SPAG17: variants seen among roughly 807,000 people sequenced by gnomAD.
SPAG17 encodes the protein sperm associated antigen 17, also known as sperm-associated antigen 17.
A neutral mutation model predicts 273.6 loss-of-function variants in SPAG17; 169 were observed. That is an observed-to-expected ratio of 0.62 (90% confidence interval 0.55 to 0.70). The LOEUF is 0.70. Among genes scored for constraint, SPAG17 ranks in the 30% least tolerant of loss-of-function variants. The pLI, the probability that SPAG17 is intolerant of heterozygous loss-of-function variation, is 0.00. For missense variants in SPAG17, 2,557 were observed against 2,627.8 expected (o/e 0.97, Z 0.59); for synonymous variants, 825 against 873.2 (o/e 0.94, Z 0.97).
At chr1:118,033,017 T>G (rs761336770) in intron 24 of SPAG17, among the ~76,000 whole-genome samples, 1 of 152,170 alleles carries the variant, frequency 6.6e-6, no homozygotes, top group Non-Finnish European at 1.5e-5. Context: ...TGAATCAGAC[T>G]CATTGAAGAT....
chr1:118,168,369 G>A (rs1489184618), intron 1 of SPAG17, among the ~76,000 whole-genome samples: 2 of 152,102 alleles, frequency 1.3e-5, no homozygotes, highest in Non-Finnish European at 2.9e-5. Flanking sequence ...TTCAATATCT[G>A]TAAGAGAGGT....
chr1:118,068,689 A>T (rs976134286), intron 17 of SPAG17, among the ~76,000 whole-genome samples: 1 of 152,222 alleles, frequency 6.6e-6, no homozygotes, highest in South Asian at 2.1e-4. Context: ...TTCATTAAAA[A>T]TGAGTACCTA....
At chr1:118,105,108 G>A (rs1383121333) in intron 4 of SPAG17, among the ~76,000 whole-genome samples, 2 of 152,168 alleles carry the variant, frequency 1.3e-5, no homozygotes, top group Non-Finnish European at 2.9e-5. Flanking sequence ...TCATAACTAA[G>A]AACAACAGGA....
chr1:117,954,577 T>C (rs201447681), intron 48 of SPAG17: 7 of 1,612,576 alleles, frequency 4.3e-6, no homozygotes, highest in Admixed American at 1.7e-5. Flanking sequence ...AATTTCTTCA[T>C]AGGTTCCACT....
At chr1:117,974,294 G>A (rs1654892690) in intron 43 of SPAG17, among the ~76,000 whole-genome samples, 1 of 152,146 alleles carries the variant, frequency 6.6e-6, no homozygotes, top group African/African-American at 2.4e-5. Flanking sequence ...ATTTTAGAAA[G>A]TGATTTTACA....
chr1:118,172,232 T>A (rs1660448945), intron 1 of SPAG17, among the ~76,000 whole-genome samples: 1 of 152,200 alleles, frequency 6.6e-6, no homozygotes, highest in Non-Finnish European at 1.5e-5. Flanking sequence ...TACAGAAGAA[T>A]TAAAAGCTTT....
In SPAG17 at chr1:118,040,710, C is replaced by T. The variant is rs765174119; in HGVS notation, c.3166+20G>A. ...CATTATTATGTTTCCAATCATTAAC[C>T]AGTTGCTTTCAAAATGTACCTTTTT... On this transcript the variant is annotated intron_variant, in intron 22 of 48. Transcript: ENST00000336338. 1.4e-6 allele frequency: 2 copies of T among 1,450,730 alleles called. No individual in the cohort carries two copies. Among genetic ancestry groups the T allele is most frequent in the Admixed American group, 1.7e-5 (1 of 59,640 alleles). The allele number at this position is 1,450,730 out of a possible 1,614,324, so 89.9% of individuals were successfully genotyped here.
chr1:118,050,188 A>T (rs1650840248), intron 20 of SPAG17, among the ~76,000 whole-genome samples: 1 of 152,190 alleles, frequency 6.6e-6, no homozygotes, highest in Admixed American at 6.5e-5. Context: ...GGGAAGAATC[A>T]TGGGAGAAGT....
chr1:118,099,748 G>T lies in SPAG17; in HGVS notation c.687C>A (p.Asn229Lys). Residue 229 changes from asparagine to lysine, a missense_variant, in exon 6 of 49, where the codon AAC becomes AAA. By Grantham distance (94) the Asn-to-Lys change is moderately conservative. Transcript: ENST00000336338. ...CCATAATTGCTAATAGCTGAGGATT[G>T]TTAAAGCCCACAACTATAATGTAAT... The part of the protein sequence containing the change: ...AQHYIIVVGF[N>K]NPQLLAIMAE... 1 of 1,613,408 alleles carries T rather than the reference G, an allele frequency of 6.2e-7. No individual in the cohort carries two copies. The highest frequency in any genetic ancestry group is 8.5e-7 in the Non-Finnish European group (1 of 1,179,904).
intron 3 of SPAG17, among the ~76,000 whole-genome samples, chr1:118,117,620 A>G (rs1373731420): frequency 6.6e-6 from 1 of 152,194 alleles, no homozygotes; most frequent in Non-Finnish European, 1.5e-5. Flanking sequence ...TGCTCTCATG[A>G]CATACAGACA....
chr1:118,032,216 G>A (rs919786417), intron 24 of SPAG17, among the ~76,000 whole-genome samples: 16 of 152,000 alleles, frequency 1.1e-4, no homozygotes, highest in Non-Finnish European at 2.1e-4. Context: ...AAAATGTTTA[G>A]AGCAGCAGAA....
rs529347041 is a variant in SPAG17 at position 118,077,538 on chromosome 1, GAA to G, written c.2210-2940_2210-2939del. ...AGGAAAACTATCCAGCTGCTTTAAA[GAA>G]AAAAAAATGAAACAAAACAAAGAAA... On this transcript the variant is annotated intron_variant, in intron 15 of 48. Transcript: ENST00000336338. Among the ~76,000 whole-genome samples the G allele has an allele frequency of 2.7e-5, 4 of 150,534 alleles. No individual in the cohort carries two copies. In the South Asian group the frequency reaches 6.3e-4, roughly 24 times the overall value.
chr1:118,111,861 G>T (rs1001764692), intron 4 of SPAG17, among the ~76,000 whole-genome samples: 5 of 151,990 alleles, frequency 3.3e-5, no homozygotes, highest in Non-Finnish European at 2.9e-5. Context: ...AGGAAATAGG[G>T]CAATTTGTAC....
intron 43 of SPAG17, among the ~76,000 whole-genome samples, 156 bp from the exon 44 acceptor site, chr1:117,973,717 T>C (rs1654825718): frequency 6.6e-6 from 1 of 152,206 alleles, no homozygotes; most frequent in African/African-American, 2.4e-5. Context: ...AATTTCAATT[T>C]TTCTTTTAGA....
Position 118,042,011 on chromosome 1 carries a change from T to C in SPAG17, c.2846A>G (p.Glu949Gly). 1 of 1,613,162 alleles carries C rather than the reference T, an allele frequency of 6.2e-7. No individual in the cohort carries two copies. Among genetic ancestry groups the C allele is most frequent in the South Asian group, 1.1e-5 (1 of 90,830 alleles). The change falls in exon 21 of 49, where the codon GAA becomes GGA. Residue 949 changes from glutamate to glycine, a missense_variant. Glu to Gly is a moderately conservative substitution (Grantham distance 98). Coordinates refer to ENST00000336338, the MANE Select transcript of SPAG17 (RefSeq NM_206996.4). ...CTTTTCTTCCCTTAAGCGCTCCTCT[T>C]CTGCTAATCGATGTTGCTCTTCTTT... ...AWKEEQHRLA[E>G]EERLREEKKA... is the part of the protein sequence containing the mutation.
chr1:118,141,202 T>A (rs1372103274), intron 3 of SPAG17, among the ~76,000 whole-genome samples: 1 of 152,238 alleles, frequency 6.6e-6, no homozygotes, highest in Non-Finnish European at 1.5e-5. Flanking sequence ...TTATAACTAT[T>A]TTGTTCACCA....
intron 30 of SPAG17, among the ~76,000 whole-genome samples, chr1:118,011,947 C>T (rs1557904398): frequency 6.6e-6 from 1 of 151,810 alleles, no homozygotes; most frequent in East Asian, 1.9e-4. Flanking sequence ...CTTATTTCAT[C>T]ACATCATATT....
At chr1:118,103,610 C>A (rs1476413444) in intron 4 of SPAG17, among the ~76,000 whole-genome samples, 1 of 152,010 alleles carries the variant, frequency 6.6e-6, no homozygotes, top group East Asian at 1.9e-4. Context: ...GGCTCTGCCC[C>A]TTGAGCTCAC....
At chr1:118,123,970 G>T (rs1168641063) in intron 3 of SPAG17, among the ~76,000 whole-genome samples, 1 of 152,172 alleles carries the variant, frequency 6.6e-6, no homozygotes, top group Non-Finnish European at 1.5e-5. Flanking sequence ...ACCAATATGT[G>T]CATGTCAAAA....
Sources: allele counts gnomAD v4.1 joint callset (sites outside exome capture counted in the v4.1 genomes callset), GRCh38; gene constraint gnomAD v4.1.1; transcripts MANE v1.5; gene names NCBI Gene and HGNC (gene_info 2026-07-23, HGNC 2026-07-21).